RPS6KC1: variants seen among roughly 807,000 people sequenced by gnomAD.
The protein encoded by RPS6KC1 is inactive ribosomal protein S6 kinase delta-1.
Under a neutral mutation model 103.8 loss-of-function variants are expected in RPS6KC1, and 54 were observed. That is an observed-to-expected ratio of 0.52 (90% CI 0.42 to 0.65). The LOEUF (loss-of-function observed/expected upper bound fraction) is 0.65, where lower values mean the gene tolerates loss of function less well. Ranked by LOEUF, RPS6KC1 falls within the 30% of genes least tolerant of loss-of-function variation. The pLI is 0.00. For missense variants in RPS6KC1, 1,151 were observed against 1,253.8 expected (o/e 0.92, Z 1.24); for synonymous variants, 439 against 438.7 (o/e 1.00, Z -0.01).
the RPS6KC1 span, among the ~76,000 whole-genome samples, chr1:213,721,218 A>T: frequency 2.0e-5 from 3 of 152,238 alleles, no homozygotes; most frequent in Admixed American, 2.0e-4. Flanking sequence ...AAATTGTAAA[A>T]CTTGACTCAG....
chr1:213,131,555 T>C lies in RPS6KC1; in HGVS notation c.835+1666T>C, dbSNP rs1205561394. ...GCCTCCGGGGTTCAAGTGATTCTCC[T>C]GCCTCAGCCTCCCTAGTAGCTGGGA... On this transcript the variant is annotated intron_variant, in intron 6 of 14. Coordinates refer to ENST00000366960, the MANE Select transcript of RPS6KC1 (RefSeq NM_012424.6). Among the ~76,000 whole-genome samples the C allele has an allele frequency of 2.0e-5, 3 of 152,128 alleles. 1 individual carries two copies. Among genetic ancestry groups the C allele is most frequent in the Admixed American group, 2.0e-4 (3 of 15,268 alleles).
At chr1:213,414,388 A>G in the RPS6KC1 span, among the ~76,000 whole-genome samples, 1 of 152,202 alleles carries the variant, frequency 6.6e-6, no homozygotes, top group Non-Finnish European at 1.5e-5. Flanking sequence ...TCAAAATGAG[A>G]ACATACTAGG....
the RPS6KC1 span, among the ~76,000 whole-genome samples, chr1:213,302,760 G>T: frequency 2.6e-5 from 4 of 152,224 alleles, no homozygotes; most frequent in Non-Finnish European, 5.9e-5. Flanking sequence ...TCAGATCAAG[G>T]CTGGGAGAAA....
the RPS6KC1 span, among the ~76,000 whole-genome samples, chr1:213,345,106 T>C: frequency 9.8e-5 from 15 of 152,360 alleles, no homozygotes; most frequent in East Asian, 2.1e-3. Flanking sequence ...CAGTGAATAA[T>C]ATTTGCCTCA....
At chr1:213,574,773 T>G in the RPS6KC1 span, among the ~76,000 whole-genome samples, 1 of 152,260 alleles carries the variant, frequency 6.6e-6, no homozygotes, top group East Asian at 1.9e-4. Flanking sequence ...ATGGCCCAGC[T>G]TGATTTGGTG....
chr1:213,699,567 T>C, the RPS6KC1 span, among the ~76,000 whole-genome samples: 1 of 152,194 alleles, frequency 6.6e-6, no homozygotes, highest in Non-Finnish European at 1.5e-5. Flanking sequence ...CTTTTGGGTA[T>C]ATACCCAGCA....
At chr1:213,631,161 G>C in the RPS6KC1 span, among the ~76,000 whole-genome samples, 4 of 151,972 alleles carry the variant, frequency 2.6e-5, no homozygotes, top group African/African-American at 7.3e-5. Context: ...GCACTTCCCT[G>C]GTGAGGCGAT....
chr1:213,223,572 A>C (rs2093888216), intron 8 of RPS6KC1, among the ~76,000 whole-genome samples: 2 of 152,266 alleles, frequency 1.3e-5, no homozygotes, highest in South Asian at 4.2e-4. Flanking sequence ...TATTCTATGG[A>C]GTATATATAC....
chr1:213,626,532 T>C, the RPS6KC1 span, among the ~76,000 whole-genome samples: 63 of 152,258 alleles, frequency 4.1e-4, no homozygotes, highest in African/African-American at 1.3e-3. Context: ...ATTGCCTAGG[T>C]TTTCTTCTAG....
At chr1:213,311,846 G>C in the RPS6KC1 span, among the ~76,000 whole-genome samples, 2 of 151,678 alleles carry the variant, frequency 1.3e-5, no homozygotes, top group African/African-American at 2.4e-5. Context: ...CCCAAAGTAA[G>C]AGCAGTTCTT....
chr1:213,363,756 TC>T, the RPS6KC1 span, among the ~76,000 whole-genome samples: 63 of 88,452 alleles, frequency 7.1e-4, 1 homozygote, highest in Middle Eastern at 5.6e-3. Context: ...TTTCTCTTTC[TC>T]TCTTCTTTCT....
the RPS6KC1 span, among the ~76,000 whole-genome samples, chr1:213,699,838 T>C: frequency 3.3e-5 from 5 of 152,096 alleles, no homozygotes; most frequent in African/African-American, 1.2e-4. Flanking sequence ...TGCCATTTGT[T>C]TGTCTTCTTT....
intron 5 of RPS6KC1, among the ~76,000 whole-genome samples, chr1:213,120,974 A>G (rs2084313909): frequency 6.6e-6 from 1 of 152,154 alleles, no homozygotes; most frequent in African/African-American, 2.4e-5. Flanking sequence ...TTGTTTTGTG[A>G]TAGGGTCTCA....
the RPS6KC1 span, among the ~76,000 whole-genome samples, chr1:213,711,361 G>C: frequency 6.6e-6 from 1 of 152,064 alleles, no homozygotes; most frequent in Non-Finnish European, 1.5e-5. Context: ...AGCTCCATCA[G>C]TTCATTTATG....
the RPS6KC1 span, among the ~76,000 whole-genome samples, chr1:213,686,691 TGA>T: frequency 6.6e-6 from 1 of 152,196 alleles, no homozygotes; most frequent in Non-Finnish European, 1.5e-5. Flanking sequence ...ATCCAGACCC[TGA>T]GAGAGGGTTC....
At chr1:213,567,572 T>G in the RPS6KC1 span, among the ~76,000 whole-genome samples, 5 of 152,246 alleles carry the variant, frequency 3.3e-5, no homozygotes, top group African/African-American at 4.8e-5. Flanking sequence ...TTATAACTTA[T>G]TCAGCATTTT....
the RPS6KC1 span, among the ~76,000 whole-genome samples, chr1:213,621,360 G>A: frequency 6.8e-6 from 1 of 146,278 alleles, no homozygotes. Context: ...GAGTTCATGT[G>A]TCACTCTTCT....
the RPS6KC1 span, among the ~76,000 whole-genome samples, chr1:213,581,736 TA>T: frequency 6.6e-6 from 1 of 152,144 alleles, no homozygotes; most frequent in East Asian, 1.9e-4. Context: ...TACACCCTCA[TA>T]AGAGGCCTTT....
chr1:213,842,181 T>C, the RPS6KC1 span: 2 of 152,476 alleles, frequency 1.3e-5, no homozygotes, highest in African/African-American at 4.8e-5. Context: ...TTAGCGTGTA[T>C]CACACTCTGC....
Sources: gnomAD v4.1 joint callset for allele counts (sites outside exome capture counted in the v4.1 genomes callset) on GRCh38, gnomAD v4.1.1 for gene constraint, MANE v1.5 for transcripts, NCBI Gene and HGNC (gene_info 2026-07-23, HGNC 2026-07-21) for gene names.